MOSPD1: variants seen among roughly 807,000 people sequenced by gnomAD.
The protein encoded by MOSPD1 is motile sperm domain-containing protein 1.
MOSPD1 carries 5 observed loss-of-function variants against 16.7 expected under a neutral mutation model. The ratio of observed to expected loss-of-function variants is 0.30; its 90% CI spans 0.16 to 0.63. The LOEUF is 0.63. MOSPD1 is among the 30% of genes least tolerant of loss of function. The pLI is 0.82. For synonymous variants in MOSPD1, 67 were observed against 59.2 expected (o/e 1.13, Z -0.61); for missense variants, 104 against 153.6 (o/e 0.68, Z 1.71).
chrX:134,895,085 G>A (rs983719297), intron 4 of MOSPD1, among the ~76,000 whole-genome samples: 2 of 111,539 alleles, frequency 1.8e-5, no homozygotes, highest in African/African-American at 3.3e-5. Flanking sequence ...GGCCAGGTGC[G>A]GGAGCTCAGG....
intron 1 of MOSPD1, among the ~76,000 whole-genome samples, chrX:134,906,426 C>T (rs1225006631): frequency 4.6e-5 from 5 of 108,560 alleles, no homozygotes; most frequent in South Asian, 4.1e-4. Context: ...CCTCGTGATC[C>T]GCCCACCTTG....
At chrX:134,911,875 T>C (rs1007779498) in intron 1 of MOSPD1, among the ~76,000 whole-genome samples, 1 of 112,233 alleles carries the variant, frequency 8.9e-6, no homozygotes, top group Non-Finnish European at 1.9e-5. Context: ...CTGGAATGAG[T>C]AAAAGAATCA....
At chrX:134,911,308 A>G (rs1402874391) in intron 1 of MOSPD1, among the ~76,000 whole-genome samples, 1 of 112,419 alleles carries the variant, frequency 8.9e-6, no homozygotes, top group African/African-American at 3.2e-5. Flanking sequence ...GGCATGAAGC[A>G]ATGATGAGGG....
intron 4 of MOSPD1, among the ~76,000 whole-genome samples, chrX:134,893,082 A>G (rs1399378613): frequency 2.7e-5 from 3 of 111,550 alleles, no homozygotes; most frequent in African/African-American, 9.8e-5. Context: ...TTTGTGTTTC[A>G]TTAATGAAAT....
At chrX:134,904,799 T>C (rs746329430) in intron 1 of MOSPD1, among the ~76,000 whole-genome samples, 6 of 105,410 alleles carry the variant, frequency 5.7e-5, no homozygotes, top group Non-Finnish European at 1.2e-4. Context: ...GAGGCGGAGG[T>C]TGCAGTGAGC....
chrX:134,891,475 T>C lies in MOSPD1; in HGVS notation c.610+4A>G. ...TGTCCCAAATGCATCTTTAAAACCCTTACCTAAGATATAAGCAGCCACTAA... is the reference window on the plus strand; with the variant it reads ...TGTCCCAAATGCATCTTTAAAACCCCTACCTAAGATATAAGCAGCCACTAA... On this transcript the variant is annotated splice_donor_region_variant and intron_variant, in intron 5 of 5. Transcript: ENST00000370783. 8.3e-7 allele frequency: 1 copy of C among 1,209,386 alleles called. No individual in the cohort carries two copies. Among genetic ancestry groups the C allele is most frequent in the Non-Finnish European group, 1.1e-6 (1 of 894,301 alleles).
At chrX:134,901,178 G>A (rs1166938296) in intron 1 of MOSPD1, among the ~76,000 whole-genome samples, 2 of 111,839 alleles carry the variant, frequency 1.8e-5, no homozygotes, top group East Asian at 5.6e-4. Context: ...TATGTCAGAA[G>A]CTGAGCAGAG....
At chrX:134,912,290 C>T (rs971309420) in intron 1 of MOSPD1, among the ~76,000 whole-genome samples, 1 of 111,457 alleles carries the variant, frequency 9.0e-6, no homozygotes, top group Admixed American at 9.5e-5. Flanking sequence ...TCAGGTGATC[C>T]GCCTGCCTCG....
chrX:134,897,068 AT>A (rs1437108875), intron 3 of MOSPD1, 34 bp from the exon 4 acceptor site: 24 of 1,033,712 alleles, frequency 2.3e-5, no homozygotes, highest in Non-Finnish European at 3.1e-5. Flanking sequence ...TGCTGTTTAG[AT>A]TTCTGGGGGC....
rs746225013 is a variant in MOSPD1 at position 134,899,415 on chromosome X, G to C, written c.19C>G (p.Gln7Glu). Residue 7 changes from glutamine (Q) to glutamate (E), a missense_variant, in exon 2 of 6, where the codon CAA becomes GAA. By Grantham distance (29) the Gln-to-Glu change is conservative. Transcript: ENST00000370783. ...AGATTTCCTTCCACTAACTCTGGTTGTCTTTTTTGTTGATGCATTGGCACT... is the reference window on the plus strand; with the variant it reads ...AGATTTCCTTCCACTAACTCTGGTTCTCTTTTTTGTTGATGCATTGGCACT... MHQQKR[Q>E]PELVEGNLPV... 7 of 1,178,268 alleles carry C rather than the reference G, an allele frequency of 5.9e-6. No individual in the cohort carries two copies. The East Asian group carries it at 2.1e-4, about 35-fold the overall frequency.
At chrX:134,896,782 A>C in intron 4 of MOSPD1, 35 bp downstream of exon 4, 2 of 1,032,553 alleles carry the variant, frequency 1.9e-6, no homozygotes, top group Non-Finnish European at 2.7e-6. Context: ...AATGTGTAAG[A>C]CCTCAAAAGG....
rs1013000627 is a variant in MOSPD1 at position 134,887,726 on chromosome X, C to T, written c.*1435G>A. On this transcript the variant is annotated 3_prime_UTR_variant, in exon 6 of 6. Transcript: ENST00000370783. Reference sequence around the variant, plus strand: ...ATGTGCACTTGCACACACGTGCACACACAGGACTTGAGATGGAGAAACAAG... The same window carrying T: ...ATGTGCACTTGCACACACGTGCACATACAGGACTTGAGATGGAGAAACAAG... The T allele has an allele frequency of 8.8e-6, 1 of 113,480 alleles. No homozygotes were observed. The highest frequency in any genetic ancestry group is 9.3e-5 in the Admixed American group (1 of 10,744). The allele number at this position is 113,480 out of a possible 1,213,427, so 9.4% of individuals were successfully genotyped here. A position where few individuals can be genotyped will look rare whatever the true frequency, so the allele number is the denominator to read the frequency against.
At position 134,904,723 on chromosome X, in the gene MOSPD1, G is replaced by A. The variant is rs768582711; in HGVS notation, c.-101-5189C>T. On this transcript the variant is annotated intron_variant, in intron 1 of 5. Transcript: ENST00000370783. The stretch of plus-strand genomic sequence containing the variant: ...CTAAACATACTAAAATTAGCCGGGC[G>A]TGGTGGTACACACCTGTAATCCCAG... Among the ~76,000 whole-genome samples the A allele has an allele frequency of 3.2e-4, 35 of 110,323 alleles. No homozygotes were observed. In the South Asian group the frequency reaches 8.1e-3, roughly 26 times the overall value.
chrX:134,903,726 A>AG lies in MOSPD1; in HGVS notation c.-101-4193_-101-4192insC, dbSNP rs972410540. 3.3e-4 allele frequency among the ~76,000 whole-genome samples: 34 copies of AG among 102,877 alleles called. No individual in the cohort carries two copies. The East Asian group carries it at 5.4e-3, about 16-fold the overall frequency. 89.3% of individuals were successfully genotyped at this position (102,877 alleles called of 115,157 possible). On this transcript the variant is annotated intron_variant, in intron 1 of 5. Coordinates refer to ENST00000370783, the MANE Select transcript of MOSPD1 (RefSeq NM_019556.3). Reference sequence around the variant, plus strand: ...GACTCCATCTCAAAAAAAAAAAAAAAAAAGAAAGAAAGAAAAAGAAACTGT... The same window carrying AG: ...GACTCCATCTCAAAAAAAAAAAAAAAGAAAGAAAGAAAGAAAAAGAAACTGT...
At chrX:134,913,538 T>C (rs1195193721) in intron 1 of MOSPD1, among the ~76,000 whole-genome samples, 1 of 111,721 alleles carries the variant, frequency 9.0e-6, no homozygotes, top group Non-Finnish European at 1.9e-5. Context: ...AAAATGGAGT[T>C]AAATGTAAAA....
In MOSPD1 at chrX:134,899,184, A is replaced by G. The variant is rs1343186166; in HGVS notation, c.155-19T>C. 1.7e-6 allele frequency: 2 copies of G among 1,173,950 alleles called. No homozygotes were observed. The highest frequency in any genetic ancestry group is 4.9e-5 in the Admixed American group (2 of 41,227). ...CACAAAACTGAAAGAAAAAGTCACA[A>G]TGGCCATTAGTGTTTTTTTTTTTTA... On this transcript the variant is annotated intron_variant, in intron 2 of 5. Transcript: ENST00000370783.
intron 1 of MOSPD1, among the ~76,000 whole-genome samples, chrX:134,911,935 T>TA (rs2082973469): frequency 1.8e-5 from 2 of 112,786 alleles, no homozygotes; most frequent in South Asian, 7.2e-4. Flanking sequence ...AAACTGTTAT[T>TA]TCTAATTTTG....
chrX:134,902,451 C>T (rs893087754), intron 1 of MOSPD1, among the ~76,000 whole-genome samples: 3 of 107,344 alleles, frequency 2.8e-5, no homozygotes, highest in Non-Finnish European at 3.8e-5. Context: ...GTTGACAGGC[C>T]TCCTGCCTCC....
chrX:134,896,748 C>G, intron 4 of MOSPD1, 69 bp downstream of exon 4: 1 of 811,982 alleles, frequency 1.2e-6, no homozygotes. Flanking sequence ...TTATTCTTAG[C>G]TGCCTGATTA....
Sources: gnomAD v4.1 joint callset for allele counts (sites outside exome capture counted in the v4.1 genomes callset) on GRCh38, gnomAD v4.1.1 for gene constraint, MANE v1.5 for transcripts, NCBI Gene and HGNC (gene_info 2026-07-23, HGNC 2026-07-21) for gene names.